The following TMEM92 variants were observed in gnomAD, a reference collection of about 807,000 sequenced individuals.
TMEM92 encodes transmembrane protein 92.
In TMEM92, 15 loss-of-function variants were observed where a neutral mutation model predicts 14.6. That is an observed-to-expected ratio of 1.03 (90% CI 0.69 to 1.58). The LOEUF (loss-of-function observed/expected upper bound fraction) is 1.58, where lower values mean the gene tolerates loss of function less well. Ranked by LOEUF, TMEM92 falls within the 40% of genes most tolerant of loss-of-function variation. TMEM92 has a pLI of 0.00. For synonymous variants in TMEM92, 85 were observed against 83.3 expected, an observed-to-expected ratio of 1.02 and a Z score of -0.11; for missense variants, 174 against 202.4, an observed-to-expected ratio of 0.86 and a Z score of 0.85.
chr17:50,274,323 C>G, upstream of TMEM92: 1 of 640,962 alleles, frequency 1.6e-6, no homozygotes, highest in Non-Finnish European at 2.7e-6. Flanking sequence ...AAAACCCAAC[C>G]CAGACCTCTG....
In TMEM92 at chr17:50,279,452, T is replaced by C; in HGVS notation, c.*144T>C. ...TTCTTGGATTTAACTTATTACTTTT[T>C]CTGCTTCTGTTTCCACCCCAGCTGC... On this transcript the variant is annotated 3_prime_UTR_variant, in exon 5 of 5. Coordinates refer to ENST00000507382, the MANE Select transcript of TMEM92 (RefSeq NM_153229.3). The C allele has an allele frequency of 1.4e-6, 1 of 708,566 alleles. No individual in the cohort carries two copies. Among genetic ancestry groups the C allele is most frequent in the Non-Finnish European group, 2.4e-6 (1 of 417,986 alleles). The allele number at this position is 708,566 out of a possible 1,614,324, so 43.9% of individuals were successfully genotyped here.
chr17:50,279,248 C>T lies in TMEM92; in HGVS notation c.420C>T (p.Tyr140=). ...GPTPTEPPPP[Y]SFRPEEYTGD... ...CTCCCACAGAGCCACCCCCTCCCTA[C>T]AGCTTCAGGCCTGAAGAATATACCG... is the stretch of plus-strand genomic sequence containing the variant. The change falls in exon 5 of 5, where the codon TAC becomes TAT. Residue 140 remains tyrosine (Y), a synonymous_variant. Coordinates refer to ENST00000507382, the MANE Select transcript of TMEM92 (RefSeq NM_153229.3). 1 of 1,613,920 alleles carries T rather than the reference C, an allele frequency of 6.2e-7. No homozygotes were observed. The highest frequency in any genetic ancestry group is 8.5e-7 in the Non-Finnish European group (1 of 1,179,886).
chr17:50,274,318 C>G (rs1910348034), upstream of TMEM92: 1 of 619,458 alleles, frequency 1.6e-6, no homozygotes, highest in Admixed American at 3.0e-5. Context: ...ATCCCAAAAC[C>G]CAACCCAGAC....
At chr17:50,272,671 A>AG (rs34147289), upstream of TMEM92, among the ~76,000 whole-genome samples, 1 of 152,188 alleles carries the variant, frequency 6.6e-6, no homozygotes, top group African/African-American at 2.4e-5. Context: ...TATCTTCTTA[A>AG]GGGGCAAAAA....
chr17:50,275,439 G>T (rs1910398805), intron 1 of TMEM92, among the ~76,000 whole-genome samples: 1 of 152,064 alleles, frequency 6.6e-6, no homozygotes, highest in Non-Finnish European at 1.5e-5. Flanking sequence ...CGGTCAGTTT[G>T]TGTCAATGCT....
upstream of TMEM92, among the ~76,000 whole-genome samples, chr17:50,273,201 C>T (rs1189162891): frequency 2.0e-5 from 3 of 152,202 alleles, no homozygotes; most frequent in Non-Finnish European, 4.4e-5. Flanking sequence ...CCATCACCCC[C>T]TCTCCCCCTC....
At chr17:50,274,860 C>A (rs1219460226) in intron 1 of TMEM92, 1 of 454,912 alleles carries the variant, frequency 2.2e-6, no homozygotes, top group African/African-American at 2.0e-5. Flanking sequence ...GACTTTGGAC[C>A]CCTTATTAGC....
chr17:50,281,257 A>G lies in TMEM92; in HGVS notation c.*1949A>G, dbSNP rs1910610478. On this transcript the variant is annotated 3_prime_UTR_variant, in exon 5 of 5. Coordinates refer to ENST00000507382, the MANE Select transcript of TMEM92 (RefSeq NM_153229.3). ...CTAGAGGGCCATCTGGCACCATGTA[A>G]TCACGCCACAGATCTTTACGAAGCT... is the stretch of plus-strand genomic sequence containing the variant. The G allele has an allele frequency of 6.6e-6, 1 of 152,176 alleles. No individual in the cohort carries two copies. The highest frequency in any genetic ancestry group is 2.4e-5 in the African/African-American group (1 of 41,428). 9.4% of individuals were successfully genotyped at this position (152,176 alleles called of 1,614,324 possible). A position where few individuals can be genotyped will look rare whatever the true frequency, so the allele number is the denominator to read the frequency against.
chr17:50,279,236 AC>A lies in TMEM92; in HGVS notation c.413del (p.Pro138LeufsTer86). ...GCCTGGGCCCAACTCCCACAGAGCC[AC>A]CCCCTCCCTACAGCTTCAGGCCTGA... ...PSLGPTPTEPPPPYSFRPEEY... is the reference protein window; with the variant it reads ...PSLGPTPTEPXPPYSFRPEEY... On this transcript the variant is annotated frameshift_variant, in exon 5 of 5. Coordinates refer to ENST00000507382, the MANE Select transcript of TMEM92 (RefSeq NM_153229.3). LOFTEE classifies it low-confidence loss of function (END_TRUNC). The A allele has an allele frequency of 6.2e-7, 1 of 1,613,368 alleles. No individual in the cohort carries two copies. Among genetic ancestry groups the A allele is most frequent in the Middle Eastern group, 1.7e-4 (1 of 6,060 alleles).
intron 1 of TMEM92, among the ~76,000 whole-genome samples, chr17:50,275,311 G>A (rs1910393678): frequency 6.6e-6 from 1 of 152,078 alleles, no homozygotes. Flanking sequence ...GTCTTCCATA[G>A]TTAGGATTTT....
intron 2 of TMEM92, among the ~76,000 whole-genome samples, chr17:50,278,329 G>A (rs1328909655): frequency 1.3e-5 from 2 of 152,272 alleles, no homozygotes; most frequent in South Asian, 2.1e-4. Flanking sequence ...CCGTGTTACA[G>A]ATGAGGGGCG....
At chr17:50,279,108 C>A in intron 4 of TMEM92, 87 bp from the exon 5 acceptor site, 3 of 1,472,208 alleles carry the variant, frequency 2.0e-6, no homozygotes, top group Non-Finnish European at 2.8e-6. Context: ...GGTCACCCCT[C>A]TCCCTGGTAA....
intron 1 of TMEM92, among the ~76,000 whole-genome samples, chr17:50,275,330 G>C (rs906250570): frequency 6.6e-6 from 1 of 152,032 alleles, no homozygotes; most frequent in Non-Finnish European, 1.5e-5. Context: ...TTAGAACAGG[G>C]CACCTTCACA....
At chr17:50,272,574 C>A (rs1027264830), upstream of TMEM92, among the ~76,000 whole-genome samples, 1 of 152,154 alleles carries the variant, frequency 6.6e-6, no homozygotes, top group East Asian at 1.9e-4. Flanking sequence ...GGGGAGACGG[C>A]GGCCCCTTCC....
At chr17:50,276,239 C>A (rs1910428600) in intron 1 of TMEM92, among the ~76,000 whole-genome samples, 1 of 152,206 alleles carries the variant, frequency 6.6e-6, no homozygotes, top group African/African-American at 2.4e-5. Flanking sequence ...ACCTCAGCCT[C>A]CCAAGGTATT....
chr17:50,272,309 C>A (rs1910272623), upstream of TMEM92, among the ~76,000 whole-genome samples: 1 of 152,086 alleles, frequency 6.6e-6, no homozygotes, highest in Admixed American at 6.5e-5. Context: ...TTTCACCCCG[C>A]AGGGTATCTT....
At chr17:50,271,520 T>C (rs1910245355), upstream of TMEM92, 1 of 152,004 alleles carries the variant, frequency 6.6e-6, no homozygotes, top group Admixed American at 6.6e-5. Flanking sequence ...TTAATTGCTT[T>C]TGTTTTCTTT....
chr17:50,272,900 C>G (rs572986594), upstream of TMEM92, among the ~76,000 whole-genome samples: 1 of 151,642 alleles, frequency 6.6e-6, no homozygotes, highest in Non-Finnish European at 1.5e-5. Context: ...GCTGGGAACT[C>G]GAGAGAAACT....
upstream of TMEM92, among the ~76,000 whole-genome samples, chr17:50,271,710 G>A (rs1910251021): frequency 6.6e-6 from 1 of 152,184 alleles, no homozygotes; most frequent in Admixed American, 6.5e-5. Context: ...GTGAATTTCA[G>A]ATAGAAAAGT....
Sources: allele counts gnomAD v4.1 joint callset (sites outside exome capture counted in the v4.1 genomes callset), GRCh38; gene constraint gnomAD v4.1.1; transcripts MANE v1.5; gene names NCBI Gene and HGNC (gene_info 2026-07-23, HGNC 2026-07-21).